The following PCCA variants were observed in gnomAD, a reference collection of about 807,000 sequenced individuals.
PCCA encodes propionyl-CoA carboxylase subunit alpha.
A neutral mutation model predicts 101.3 loss-of-function variants in PCCA; 74 were observed. That is an observed-to-expected ratio of 0.73 (90% CI 0.61 to 0.89). The LOEUF is 0.89. PCCA is among the 40% of genes least tolerant of loss of function. The probability of loss-of-function intolerance (pLI) is 0.00; values close to 1 mark genes in which losing one functional copy is unlikely to be tolerated. For missense variants in PCCA, 891 were observed against 907.0 expected (o/e 0.98, Z 0.23); for synonymous variants, 294 against 313.6 (o/e 0.94, Z 0.66).
intron 7 of PCCA, among the ~76,000 whole-genome samples, chr13:100,212,372 A>G (rs960480907): frequency 3.9e-5 from 6 of 152,238 alleles, no homozygotes; most frequent in Non-Finnish European, 8.8e-5. Context: ...ATAGTAGACT[A>G]TGTGACTCAC....
chr13:100,437,742 C>T (rs2080047800), intron 20 of PCCA, among the ~76,000 whole-genome samples: 1 of 152,022 alleles, frequency 6.6e-6, no homozygotes, highest in African/African-American at 2.4e-5. Flanking sequence ...AATCTCAGTT[C>T]ACTGCAACCT....
chr13:100,176,585 A>G (rs1312400797), intron 6 of PCCA, among the ~76,000 whole-genome samples: 3 of 152,172 alleles, frequency 2.0e-5, no homozygotes, highest in African/African-American at 4.8e-5. Context: ...ATTTGTTCAG[A>G]ATTGGTGGTT....
intron 8 of PCCA, among the ~76,000 whole-genome samples, chr13:100,242,723 C>A (rs979308967): frequency 4.6e-5 from 7 of 152,086 alleles, no homozygotes; most frequent in African/African-American, 1.7e-4. Flanking sequence ...CGCAATGTTC[C>A]CAAGACTTAG....
chr13:100,503,873 A>T (rs1023518934), intron 21 of PCCA, among the ~76,000 whole-genome samples: 5 of 152,344 alleles, frequency 3.3e-5, no homozygotes, highest in African/African-American at 1.2e-4. Flanking sequence ...ACACTACTGC[A>T]CTCCAGCCTG....
intron 4 of PCCA, among the ~76,000 whole-genome samples, chr13:100,124,421 A>G (rs1388729241): frequency 6.6e-6 from 1 of 152,140 alleles, no homozygotes; most frequent in Non-Finnish European, 1.5e-5. Flanking sequence ...CTCACATCTT[A>G]CCCAGGCAGC....
At chr13:100,113,933 G>A (rs1437990733) in intron 4 of PCCA, among the ~76,000 whole-genome samples, 1 of 152,074 alleles carries the variant, frequency 6.6e-6, no homozygotes, top group Admixed American at 6.6e-5. Flanking sequence ...CTGTATAACT[G>A]TACAAAAATG....
At chr13:100,151,077 T>G in intron 4 of PCCA, 1 of 1,526,386 alleles carries the variant, frequency 6.6e-7, no homozygotes, top group South Asian at 1.1e-5. Flanking sequence ...AGCTCCTGGA[T>G]GTACTCGTAT....
At chr13:100,511,327 T>A (rs910682835) in intron 21 of PCCA, among the ~76,000 whole-genome samples, 1 of 152,214 alleles carries the variant, frequency 6.6e-6, no homozygotes, top group Non-Finnish European at 1.5e-5. Flanking sequence ...AGGGGAATAT[T>A]TGAGTGTTGC....
At chr13:100,366,086 G>T (rs7997808) in intron 18 of PCCA, among the ~76,000 whole-genome samples, 6 of 152,130 alleles carry the variant, frequency 3.9e-5, no homozygotes, top group Admixed American at 6.5e-5. Flanking sequence ...GGTAGAAAAC[G>T]ATCAAATGAT....
chr13:100,282,503 C>G (rs1207286555), intron 12 of PCCA, among the ~76,000 whole-genome samples: 1 of 152,216 alleles, frequency 6.6e-6, no homozygotes, highest in East Asian at 1.9e-4. Flanking sequence ...AGCTGGAGTT[C>G]CAGGTGGGCG....
At position 100,425,668 on chromosome 13, in the gene PCCA, C is replaced by T; in HGVS notation, c.1782C>T (p.Ser594=). The T allele has an allele frequency of 6.2e-7, 1 of 1,613,988 alleles. No individual in the cohort carries two copies. Among genetic ancestry groups the T allele is most frequent in the South Asian group, 1.1e-5 (1 of 91,066 alleles). ...ATGGGTCGAAACTAAATGTGACCAG[C>T]ACGTGGAACCTGGCTTCGCCCTTAT... ...EVDGSKLNVT[S]TWNLASPLLS... The change falls in exon 20 of 24, where the codon AGC becomes AGT. Residue 594 remains serine, a synonymous_variant. Coordinates refer to ENST00000376285, the MANE Select transcript of PCCA (RefSeq NM_000282.4).
chr13:100,173,430 G>A (rs1289416553), intron 6 of PCCA, among the ~76,000 whole-genome samples: 2 of 152,168 alleles, frequency 1.3e-5, no homozygotes, highest in Non-Finnish European at 2.9e-5. Context: ...TGCAGACATT[G>A]ATCGATATCA....
chr13:100,395,377 A>G (rs1248563108), intron 19 of PCCA, among the ~76,000 whole-genome samples: 1 of 152,216 alleles, frequency 6.6e-6, no homozygotes, highest in African/African-American at 2.4e-5. Flanking sequence ...AATTTCTGAA[A>G]CTCAGTGGCA....
chr13:100,446,889 A>C (rs1001422838), intron 20 of PCCA, among the ~76,000 whole-genome samples: 1 of 152,230 alleles, frequency 6.6e-6, no homozygotes, highest in African/African-American at 2.4e-5. Flanking sequence ...TCTTGCCCTT[A>C]GAAATAAACT....
intron 1 of PCCA, among the ~76,000 whole-genome samples, chr13:100,100,152 A>G (rs945187538): frequency 2.0e-5 from 3 of 152,314 alleles, no homozygotes; most frequent in East Asian, 3.9e-4. Flanking sequence ...CATTTTGTAG[A>G]TGGAAACGGG....
At chr13:100,195,731 C>T (rs761122518) in intron 6 of PCCA, among the ~76,000 whole-genome samples, 7 of 152,180 alleles carry the variant, frequency 4.6e-5, no homozygotes, top group Admixed American at 3.3e-4. Flanking sequence ...CAAAATACTT[C>T]ATTTGCATTC....
rs534471468 is a variant in PCCA at position 100,476,386 on chromosome 13, T to A, written c.1899+27081T>A. ...AATTCCTTAGTCATTTAGATATTAA[T>A]CCTGTTCTGGAGACCACCTACATGT... On this transcript the variant is annotated intron_variant, in intron 21 of 23. Transcript: ENST00000376285. Among the ~76,000 whole-genome samples, 5 of 152,348 alleles carry A rather than the reference T, an allele frequency of 3.3e-5. No individual in the cohort carries two copies. In the South Asian group the frequency reaches 1.0e-3, roughly 32 times the overall value.
intron 21 of PCCA, among the ~76,000 whole-genome samples, chr13:100,489,175 G>A (rs1041615799): frequency 6.6e-6 from 1 of 152,162 alleles, no homozygotes; most frequent in African/African-American, 2.4e-5. Flanking sequence ...AGGCGTGGTG[G>A]CGAGCACCTG....
chr13:100,159,850 G>C (rs964048685), intron 6 of PCCA, among the ~76,000 whole-genome samples: 4 of 152,170 alleles, frequency 2.6e-5, no homozygotes, highest in African/African-American at 9.7e-5. Context: ...TCTAACTGCT[G>C]CCTGCCCTTG....
Sources: gnomAD v4.1 joint callset for allele counts (sites outside exome capture counted in the v4.1 genomes callset) on GRCh38, gnomAD v4.1.1 for gene constraint, MANE v1.5 for transcripts, NCBI Gene and HGNC (gene_info 2026-07-23, HGNC 2026-07-21) for gene names.